STARD9: variants seen among roughly 807,000 people sequenced by gnomAD.
STARD9 encodes the protein stAR-related lipid transfer protein 9.
In STARD9, 346 loss-of-function variants were observed where a neutral mutation model predicts 399.8. The ratio of observed to expected loss-of-function variants is 0.87; its 90% CI spans 0.79 to 0.95. The LOEUF (loss-of-function observed/expected upper bound fraction) is 0.95. Ranked by LOEUF, STARD9 falls within the 40% of genes least tolerant of loss-of-function variation. The probability of loss-of-function intolerance (pLI) is 0.00; values close to 1 mark genes in which losing one functional copy is unlikely to be tolerated. For synonymous variants in STARD9, 2,203 were observed against 2,143.5 expected, an observed-to-expected ratio of 1.03 and a Z score of -0.77; for missense variants, 5,832 against 5,667.5, an observed-to-expected ratio of 1.03 and a Z score of -0.93.
At chr15:42,643,593 C>T (rs1211332960) in intron 7 of STARD9, among the ~76,000 whole-genome samples, 4 of 145,158 alleles carry the variant, frequency 2.8e-5, no homozygotes, top group South Asian at 2.1e-4. Context: ...CGGGTTCAAG[C>T]GATTCTCCTG....
At position 42,694,067 on chromosome 15, in the gene STARD9, G is replaced by A. The variant is rs1244210534; in HGVS notation, c.12489G>A (p.Leu4163=). The A allele has an allele frequency of 2.0e-6, 3 of 1,536,634 alleles. No homozygotes were observed. Among genetic ancestry groups the A allele is most frequent in the Non-Finnish European group, 2.6e-6 (3 of 1,146,756 alleles). The change falls in exon 23 of 33, where the codon CTG becomes CTA. Residue 4163 remains leucine (L), a synonymous_variant. Coordinates refer to ENST00000290607, the MANE Select transcript of STARD9 (RefSeq NM_020759.3). ...PGGLDMTEEE[L]GASGDLSSEK... ...GGTTGGACATGACTGAGGAGGAGCT[G>A]GGGGCCAGCGGTGATCTCAGCTCTG...
At chr15:42,638,674 T>G (rs2059469608) in intron 6 of STARD9, 26 bp from the exon 7 acceptor site, 1 of 1,442,008 alleles carries the variant, frequency 6.9e-7, no homozygotes, top group African/African-American at 1.4e-5. Flanking sequence ...AATATAATTA[T>G]GTTGCCTTTT....
chr15:42,718,235 G>A (rs1377176926), intron 30 of STARD9, 56 bp downstream of exon 30: 1 of 1,477,746 alleles, frequency 6.8e-7, no homozygotes, highest in East Asian at 2.5e-5. Flanking sequence ...TGCCCAGTGG[G>A]GTCTTGCTGG....
chr15:42,695,302 G>T lies in STARD9; in HGVS notation c.13125G>T (p.Lys4375Asn), dbSNP rs2060818924. The T allele has an allele frequency of 3.3e-6, 5 of 1,535,542 alleles. No homozygotes were observed. Among genetic ancestry groups the T allele is most frequent in the Non-Finnish European group, 4.4e-6 (5 of 1,145,770 alleles). ...TEQEKLRIHQKIISQLLKEED... is the reference protein window; with the variant it reads ...TEQEKLRIHQNIISQLLKEED... ...AAGAGAAGCTGAGAATCCACCAGAA[G>T]ATCATTTCCCAGCTATTGAAGGTGT... The change falls in exon 25 of 33, where the codon AAG (lysine) becomes AAT (asparagine). Residue 4375 changes from lysine (K) to asparagine (N), a missense_variant. By Grantham distance (94) the Lys-to-Asn change is moderately conservative. This residue lies in a region of STARD9 where 5,828 missense variants were observed against 5,651.1 expected (regional missense o/e 1.03). Transcript: ENST00000290607.
chr15:42,674,113 A>G, intron 16 of STARD9: 2 of 442,392 alleles, frequency 4.5e-6, no homozygotes, highest in East Asian at 5.8e-5. Flanking sequence ...TTTCTGACCA[A>G]TGGCTGTAAC....
intron 15 of STARD9, among the ~76,000 whole-genome samples, chr15:42,667,047 T>G (rs2060116100): frequency 6.6e-6 from 1 of 152,144 alleles, no homozygotes; most frequent in African/African-American, 2.4e-5. Context: ...ACTCCTGGCC[T>G]CAGGTAATCC....
At chr15:42,677,971 T>C (rs2060345801) in intron 20 of STARD9, among the ~76,000 whole-genome samples, 1 of 152,206 alleles carries the variant, frequency 6.6e-6, no homozygotes. Flanking sequence ...GGCACTGACA[T>C]GAGCTTTCAG....
chr15:42,685,890 G>A lies in STARD9; in HGVS notation c.4312G>A (p.Gly1438Ser). 6.5e-7 allele frequency: 1 copy of A among 1,537,148 alleles called. No individual in the cohort carries two copies. Among genetic ancestry groups the A allele is most frequent in the East Asian group, 2.4e-5 (1 of 40,926 alleles). Residue 1438 changes from glycine to serine, a missense_variant, in exon 23 of 33, where the codon GGC becomes AGC. By Grantham distance (56) the Gly-to-Ser change is moderately conservative (BLOSUM62 0). Transcript: ENST00000290607. ...IQRLIQPGADGTFQGRCIPDM... is the reference protein window; with the variant it reads ...IQRLIQPGADSTFQGRCIPDM... ...AAGGCTTATTCAACCAGGAGCTGAT[G>A]GCACCTTTCAGGGCAGATGTATCCC...
intron 2 of STARD9, among the ~76,000 whole-genome samples, chr15:42,585,100 G>C (rs572679906): frequency 6.6e-6 from 1 of 151,882 alleles, no homozygotes; most frequent in Non-Finnish European, 1.5e-5. Flanking sequence ...GTTTAGACTT[G>C]GATTCACCCC....
In STARD9 at chr15:42,691,323, A is replaced by G. The variant is rs764845024; in HGVS notation, c.9745A>G (p.Arg3249Gly). The change falls in exon 23 of 33, where the codon AGA becomes GGA. Residue 3249 changes from arginine (R) to glycine (G), a missense_variant. This residue lies in a region of STARD9 where 5,828 missense variants were observed against 5,651.1 expected (regional missense o/e 1.03). Transcript: ENST00000290607. ...LDGCQILDAG[R>G]EEVAVAKPPV... ...TGGCTGTCAGATTTTAGATGCTGGGAGAGAGGAGGTGGCTGTGGCCAAGCC... is the reference window on the plus strand; with the variant it reads ...TGGCTGTCAGATTTTAGATGCTGGGGGAGAGGAGGTGGCTGTGGCCAAGCC... 10 of 1,537,098 alleles carry G rather than the reference A, an allele frequency of 6.5e-6. No homozygotes were observed. In the African/African-American group the frequency reaches 9.6e-5, roughly 15 times the overall value.
rs2060599047 is a variant in STARD9, at chr15:42,687,834, T to A, written c.6256T>A (p.Phe2086Ile). ...HTPGTDKELV[F>I]QDQKEQEKTD... Reference sequence around the variant, plus strand: ...ACCAGGAACCGATAAGGAGTTGGTGTTCCAGGACCAGAAGGAGCAGGAGAA... The same window carrying A: ...ACCAGGAACCGATAAGGAGTTGGTGATCCAGGACCAGAAGGAGCAGGAGAA... The change falls in exon 23 of 33, where the codon TTC becomes ATC. Residue 2086 changes from phenylalanine (F) to isoleucine (I), a missense_variant. Coordinates refer to ENST00000290607, the MANE Select transcript of STARD9 (RefSeq NM_020759.3). 1 of 1,537,316 alleles carries A rather than the reference T, an allele frequency of 6.5e-7. No individual in the cohort carries two copies. Among genetic ancestry groups the A allele is most frequent in the African/African-American group, 1.4e-5 (1 of 73,146 alleles).
At position 42,681,618 on chromosome 15, in the gene STARD9, T is replaced by G. The variant is rs2060430060; in HGVS notation, c.2065+6T>G. On this transcript the variant is annotated splice_donor_region_variant and intron_variant, in intron 21 of 32. Transcript: ENST00000290607. Reference sequence around the variant, plus strand: ...TAGCCAGCAGATTAAAGAAAGTAGGTGTCCACCACTTAATGTGTCTGCCTC... The same window carrying G: ...TAGCCAGCAGATTAAAGAAAGTAGGGGTCCACCACTTAATGTGTCTGCCTC... 6.5e-7 allele frequency: 1 copy of G among 1,533,466 alleles called. No individual in the cohort carries two copies. The highest frequency in any genetic ancestry group is 8.7e-7 in the Non-Finnish European group (1 of 1,144,540). The allele number at this position is 1,533,466 out of a possible 1,614,324, so 95.0% of individuals were successfully genotyped here. A position where few individuals can be genotyped will look rare whatever the true frequency, so the allele number is the denominator to read the frequency against.
At position 42,669,243 on chromosome 15, in the gene STARD9, G is replaced by A. The variant is rs2060160391; in HGVS notation, c.1403G>A (p.Arg468Lys). The change falls in exon 16 of 33, where the codon AGG becomes AAG. Residue 468 changes from arginine to lysine, a missense_variant. Physicochemically the swap from Arg to Lys is conservative, Grantham distance 26. Around this residue, in one of 2 missense-constraint regions of STARD9, gnomAD observed 5,828 missense variants for 5,651.1 expected, o/e 1.03. Transcript: ENST00000290607. ...CATTACAGTGTGGACATCAACAGGA[G>A]GAGGGCTGGGGTGGTCATCGACTCC... ...MEHYSVDINR[R>K]RAGVVIDSSL... is the part of the protein sequence containing the mutation. The A allele has an allele frequency of 1.3e-6, 2 of 1,537,146 alleles. No individual in the cohort carries two copies. The highest frequency in any genetic ancestry group is 2.4e-5 in the East Asian group (1 of 40,922).
At chr15:42,696,080 A>C (rs1415077735) in intron 26 of STARD9, among the ~76,000 whole-genome samples, 200 bp downstream of exon 26, 1 of 152,194 alleles carries the variant, frequency 6.6e-6, no homozygotes, top group Non-Finnish European at 1.5e-5. Flanking sequence ...TCATTCAACA[A>C]ATGTTTATTC....
At chr15:42,711,374 CAG>C (rs2061220556) in intron 26 of STARD9, among the ~76,000 whole-genome samples, 1 of 152,196 alleles carries the variant, frequency 6.6e-6, no homozygotes, top group African/African-American at 2.4e-5. Context: ...CTCCTGACCT[CAG>C]GTGATCCACT....
chr15:42,706,453 ATT>A (rs1208800295), intron 26 of STARD9, among the ~76,000 whole-genome samples: 5 of 141,298 alleles, frequency 3.5e-5, no homozygotes, highest in Admixed American at 7.1e-5. Flanking sequence ...ACCTATCTTA[ATT>A]TTTTTTTTTT....
chr15:42,704,022 C>G (rs954085459), intron 26 of STARD9, among the ~76,000 whole-genome samples: 51 of 152,136 alleles, frequency 3.4e-4, no homozygotes, highest in African/African-American at 1.1e-3. Context: ...ATTCTCCTGC[C>G]TCAGCCTCCC....
At chr15:42,603,828 T>C (rs956889822) in intron 3 of STARD9, among the ~76,000 whole-genome samples, 2 of 152,150 alleles carry the variant, frequency 1.3e-5, no homozygotes, top group South Asian at 4.1e-4. Context: ...GTCATCAGAA[T>C]ACAGGGTCTG....
Position 42,665,286 on chromosome 15 carries a change from G to A in STARD9, c.1210G>A (p.Glu404Lys). Residue 404 changes from glutamate (E) to lysine (K), a missense_variant, in exon 14 of 33, where the codon GAA becomes AAA. Glu to Lys is a moderately conservative substitution (Grantham distance 56). This residue lies in a region of STARD9 where 5,828 missense variants were observed against 5,651.1 expected (regional missense o/e 1.03). Transcript: ENST00000290607. Reference sequence around the variant, plus strand: ...CTTAAAACTGATTAGAGAACTCAGAGAAGAGATTGAAAGACTGAAAGCCCT... The same window carrying A: ...CTTAAAACTGATTAGAGAACTCAGAAAAGAGATTGAAAGACTGAAAGCCCT... ...ANLKLIRELR[E>K]EIERLKALLL... The A allele has an allele frequency of 6.5e-7, 1 of 1,537,126 alleles. No individual in the cohort carries two copies. Among genetic ancestry groups the A allele is most frequent in the Non-Finnish European group, 8.7e-7 (1 of 1,146,800 alleles).
Sources: gnomAD v4.1 joint callset for allele counts (sites outside exome capture counted in the v4.1 genomes callset) on GRCh38, gnomAD v4.1.1 for gene constraint, gnomAD v4.1.1 regional missense constraint, MANE v1.5 for transcripts, NCBI Gene and HGNC (gene_info 2026-07-23, HGNC 2026-07-21) for gene names.